Variants in PHACTR1 observed in about 807,000 individuals in gnomAD.
PHACTR1 encodes the protein phosphatase and actin regulator 1, also known as RPEL repeat containing 1.
A neutral mutation model predicts 69.2 loss-of-function variants in PHACTR1; 16 were observed. That is an observed-to-expected ratio of 0.23 (90% CI 0.16 to 0.35). The LOEUF is 0.35. Ranked by LOEUF, PHACTR1 falls within the 10% of genes least tolerant of loss-of-function variation. PHACTR1 has a pLI of 1.00. For missense variants in PHACTR1, 510 were observed against 734.7 expected, an observed-to-expected ratio of 0.69 and a Z score of 3.54; for synonymous variants, 312 against 284.5, an observed-to-expected ratio of 1.10 and a Z score of -0.97.
chr6:13,194,458 G>A, intron 7 of PHACTR1, among the ~76,000 whole-genome samples: 1 of 149,478 alleles, frequency 6.7e-6, no homozygotes. Flanking sequence ...CTCTGGCAAT[G>A]AATACTGTGT....
At chr6:13,278,413 C>T in intron 12 of PHACTR1, 84 bp downstream of exon 12, 1 of 1,281,316 alleles carries the variant, frequency 7.8e-7, no homozygotes, top group Non-Finnish European at 1.1e-6. Context: ...CCTCAGTGGC[C>T]TCACCGCTGC....
At chr6:13,097,251 A>G (rs1814405843) in intron 5 of PHACTR1, among the ~76,000 whole-genome samples, 1 of 152,222 alleles carries the variant, frequency 6.6e-6, no homozygotes. Flanking sequence ...TTCTATGGAA[A>G]ATGGAAAGCA....
intron 4 of PHACTR1, chr6:12,933,619 TC>T (rs1789108379): frequency 6.2e-7 from 1 of 1,612,110 alleles, no homozygotes; most frequent in Non-Finnish European, 8.5e-7. Context: ...TCTTCATGTT[TC>T]CACAATGTCC....
At chr6:13,063,928 A>G (rs1808093811) in intron 5 of PHACTR1, among the ~76,000 whole-genome samples, 1 of 152,214 alleles carries the variant, frequency 6.6e-6, no homozygotes, top group South Asian at 2.1e-4. Flanking sequence ...CTAATGCAAT[A>G]GGAAATTATG....
intron 10 of PHACTR1, among the ~76,000 whole-genome samples, chr6:13,258,330 C>T (rs914675869): frequency 6.7e-5 from 10 of 149,414 alleles, no homozygotes; most frequent in African/African-American, 2.2e-4. Flanking sequence ...ACTCCAGCCT[C>T]GGCGACAGAG....
chr6:12,968,844 T>C (rs1248135667), intron 4 of PHACTR1, among the ~76,000 whole-genome samples: 4 of 152,226 alleles, frequency 2.6e-5, no homozygotes, highest in Non-Finnish European at 5.9e-5. Context: ...TGCTGCTTTT[T>C]GATGATCTGA....
intron 7 of PHACTR1, among the ~76,000 whole-genome samples, chr6:13,194,215 C>T (rs1281711748): frequency 4.6e-5 from 7 of 151,920 alleles, no homozygotes; most frequent in East Asian, 1.9e-4. Flanking sequence ...CCATCCTGGC[C>T]AACATAGTGA....
chr6:13,240,736 T>G (rs1772716599), intron 10 of PHACTR1, among the ~76,000 whole-genome samples: 1 of 152,186 alleles, frequency 6.6e-6, no homozygotes, highest in Non-Finnish European at 1.5e-5. Flanking sequence ...CATGAACCAC[T>G]GTACCCAGCC....
chr6:12,806,776 T>C (rs566986077), intron 4 of PHACTR1, among the ~76,000 whole-genome samples: 17 of 152,318 alleles, frequency 1.1e-4, no homozygotes, highest in Admixed American at 3.3e-4. Flanking sequence ...CAGTAATAGC[T>C]ATAAATTTCA....
At chr6:12,902,402 G>A (rs970574467) in intron 4 of PHACTR1, among the ~76,000 whole-genome samples, 11 of 152,152 alleles carry the variant, frequency 7.2e-5, no homozygotes, top group Admixed American at 5.2e-4. Context: ...CAGCCTGGGC[G>A]ACAGAGCAAG....
intron 5 of PHACTR1, among the ~76,000 whole-genome samples, chr6:13,123,430 T>G (rs943145559): frequency 2.0e-5 from 3 of 152,174 alleles, no homozygotes; most frequent in African/African-American, 7.2e-5. Flanking sequence ...AGCTTGGCCC[T>G]TTCTCTCACC....
intron 8 of PHACTR1, among the ~76,000 whole-genome samples, chr6:13,219,140 T>G (rs1285776456): frequency 1.3e-5 from 2 of 152,188 alleles, no homozygotes; most frequent in African/African-American, 2.4e-5. Context: ...GTTTTAAATG[T>G]GTGCCTTTTA....
At chr6:12,871,927 A>G (rs1782068136) in intron 4 of PHACTR1, among the ~76,000 whole-genome samples, 1 of 150,536 alleles carries the variant, frequency 6.6e-6, no homozygotes, top group Admixed American at 6.7e-5. Context: ...AATAGTTTGT[A>G]TGTGAAAGAG....
chr6:12,891,215 A>G (rs989651723), intron 4 of PHACTR1, among the ~76,000 whole-genome samples: 1 of 152,146 alleles, frequency 6.6e-6, no homozygotes, highest in African/African-American at 2.4e-5. Context: ...TAATATGATC[A>G]TGTAACATTT....
chr6:12,736,404 T>C (rs1764258081), intron 3 of PHACTR1, among the ~76,000 whole-genome samples: 1 of 152,196 alleles, frequency 6.6e-6, no homozygotes, highest in Non-Finnish European at 1.5e-5. Flanking sequence ...AATTTATCTA[T>C]ACAACCCAGA....
At chr6:12,945,298 C>G (rs1790555505) in intron 4 of PHACTR1, among the ~76,000 whole-genome samples, 1 of 152,204 alleles carries the variant, frequency 6.6e-6, no homozygotes, top group Non-Finnish European at 1.5e-5. Flanking sequence ...ACAACTGTCT[C>G]TGTTTCCCCT....
intron 5 of PHACTR1, among the ~76,000 whole-genome samples, chr6:13,105,670 G>T (rs894457249): frequency 6.6e-6 from 1 of 152,038 alleles, no homozygotes; most frequent in African/African-American, 2.4e-5. Context: ...CAAATCTAAG[G>T]GTTTCTACCT....
chr6:13,141,052 C>A (rs1321041255), intron 5 of PHACTR1, among the ~76,000 whole-genome samples: 1 of 152,108 alleles, frequency 6.6e-6, no homozygotes, highest in Non-Finnish European at 1.5e-5. Context: ...TTTCTAGTAA[C>A]CCAATGGTGA....
At chr6:13,134,678 T>G (rs1223513) in intron 5 of PHACTR1, among the ~76,000 whole-genome samples, 62,770 of 151,252 alleles carry the variant, frequency 0.42, 15,538 homozygotes, top group South Asian at 0.67. Flanking sequence ...GTCCTCTGCA[T>G]AGGAAAACCA....
Sources: allele counts gnomAD v4.1 joint callset (sites outside exome capture counted in the v4.1 genomes callset), GRCh38; gene constraint gnomAD v4.1.1; transcripts MANE v1.5; gene names NCBI Gene and HGNC (gene_info 2026-07-23, HGNC 2026-07-21).